CAMKMT: variants seen among roughly 807,000 people sequenced by gnomAD.
CAMKMT encodes CaM KMT.
In CAMKMT, 53 loss-of-function variants were observed where a neutral mutation model predicts 48.0. The ratio of observed to expected loss-of-function variants is 1.10; its 90% CI spans 0.89 to 1.39. The LOEUF is 1.39. Ranked by LOEUF, CAMKMT falls within the 40% of genes most tolerant of loss-of-function variation. CAMKMT has a pLI of 0.00. For missense variants in CAMKMT, 428 were observed against 402.7 expected, an observed-to-expected ratio of 1.06 and a Z score of -0.54; for synonymous variants, 165 against 152.3, an observed-to-expected ratio of 1.08 and a Z score of -0.61.
At chr2:44,637,293 A>G (rs1180790324) in intron 3 of CAMKMT, among the ~76,000 whole-genome samples, 1 of 152,250 alleles carries the variant, frequency 6.6e-6, no homozygotes, top group Non-Finnish European at 1.5e-5. Flanking sequence ...CAGCTCTTGA[A>G]TAATAGCTAA....
In CAMKMT at chr2:44,683,616, C is replaced by G. The variant is rs565329959; in HGVS notation, c.377-20667C>G. ...CGGGCGGATCGCAAGGTCAGGAGAT[C>G]AAGACCATCCTGGCTAACACAGTGA... is the stretch of plus-strand genomic sequence containing the variant. On this transcript the variant is annotated intron_variant, in intron 3 of 10. Coordinates refer to ENST00000378494, the MANE Select transcript of CAMKMT (RefSeq NM_024766.5). Among the ~76,000 whole-genome samples the G allele has an allele frequency of 5.9e-5, 9 of 152,014 alleles. No individual in the cohort carries two copies. The East Asian group carries it at 1.7e-3, about 29-fold the overall frequency.
intron 3 of CAMKMT, among the ~76,000 whole-genome samples, chr2:44,396,606 TTG>T (rs1681864131): frequency 6.6e-6 from 1 of 152,050 alleles, no homozygotes; most frequent in South Asian, 2.1e-4. Context: ...AATCAGTAAA[TTG>T]TAGGGAACTG....
At chr2:44,481,970 AT>A in intron 3 of CAMKMT, among the ~76,000 whole-genome samples, 1 of 152,224 alleles carries the variant, frequency 6.6e-6, no homozygotes, top group East Asian at 1.9e-4. Context: ...ATGAATATGT[AT>A]TTAACTTTCC....
chr2:44,371,350 C>G (rs575240612), intron 1 of CAMKMT, among the ~76,000 whole-genome samples: 1 of 151,976 alleles, frequency 6.6e-6, no homozygotes, highest in Middle Eastern at 3.4e-3. Flanking sequence ...AATTCCTGGC[C>G]TCAAGCAGTC....
At chr2:44,602,604 G>A (rs1671061337) in intron 3 of CAMKMT, among the ~76,000 whole-genome samples, 2 of 152,032 alleles carry the variant, frequency 1.3e-5, no homozygotes, top group South Asian at 4.1e-4. Flanking sequence ...AGCTTAACAG[G>A]AAGTATGACT....
rs112991231 is a variant in CAMKMT at position 44,592,952 on chromosome 2, T to C, written c.377-111331T>C. 1.7e-3 allele frequency among the ~76,000 whole-genome samples: 257 copies of C among 152,342 alleles called. 1 individual carries two copies. The highest frequency in any genetic ancestry group is 5.7e-3 in the African/African-American group (239 of 41,578). Reference sequence around the variant, plus strand: ...GTTGGTTGGTAATGTTATTCAAGCCTTCTATGTCCTTACTGGTTTCTGTAT... The same window carrying C: ...GTTGGTTGGTAATGTTATTCAAGCCCTCTATGTCCTTACTGGTTTCTGTAT... On this transcript the variant is annotated intron_variant, in intron 3 of 10. Transcript: ENST00000378494.
At chr2:44,669,190 T>A (rs1675184727) in intron 3 of CAMKMT, among the ~76,000 whole-genome samples, 1 of 152,254 alleles carries the variant, frequency 6.6e-6, no homozygotes, top group South Asian at 2.1e-4. Flanking sequence ...GTATATGGAA[T>A]CTTATTATAT....
In CAMKMT at chr2:44,653,450, A is replaced by G. The variant is rs1054497157; in HGVS notation, c.377-50833A>G. The stretch of plus-strand genomic sequence containing the variant: ...GGAACATTAGATATAGTTTTATCTC[A>G]TTGATAGAGAAACATGGGCCCTTAG... On this transcript the variant is annotated intron_variant, in intron 3 of 10. Transcript: ENST00000378494. The surrounding 1 kb of genome is among the most constrained non-coding windows in gnomAD (Gnocchi z 5.2). Among the ~76,000 whole-genome samples the G allele has an allele frequency of 7.2e-5, 11 of 152,220 alleles. No individual in the cohort carries two copies. The highest frequency in any genetic ancestry group is 2.7e-4 in the African/African-American group (11 of 41,456).
chr2:44,683,822 C>CAAAAAAAAAAAA (rs10644183), intron 3 of CAMKMT, among the ~76,000 whole-genome samples: 2 of 70,926 alleles, frequency 2.8e-5, no homozygotes, highest in African/African-American at 1.1e-4. Context: ...GACTCTGTCT[C>CAAAAAAAAAAAA]AAAAAAAAAA....
At chr2:44,576,526 G>A (rs562427958) in intron 3 of CAMKMT, among the ~76,000 whole-genome samples, 1 of 152,262 alleles carries the variant, frequency 6.6e-6, no homozygotes, top group Non-Finnish European at 1.5e-5. Flanking sequence ...AGTCTTCCTG[G>A]TGGAGAATAA....
At chr2:44,417,625 A>G (rs1050250362) in intron 3 of CAMKMT, among the ~76,000 whole-genome samples, 4 of 152,292 alleles carry the variant, frequency 2.6e-5, no homozygotes, top group Non-Finnish European at 4.4e-5. Flanking sequence ...TTTGTAAGAT[A>G]TTACCAAACT....
intron 3 of CAMKMT, among the ~76,000 whole-genome samples, chr2:44,639,106 G>A (rs1367801192): frequency 6.6e-6 from 1 of 152,160 alleles, no homozygotes; most frequent in Non-Finnish European, 1.5e-5. Context: ...CAGTTCTTTA[G>A]TATTTAAGAA....
At chr2:44,705,462 A>C in intron 4 of CAMKMT, 1 of 985,360 alleles carries the variant, frequency 1.0e-6, no homozygotes, top group East Asian at 1.1e-4. Context: ...GCTTGACTGG[A>C]GCTCCAATCA....
chr2:44,673,524 G>GGAAGGAAGGAGGGAAGGAA (rs1558786891), intron 3 of CAMKMT, among the ~76,000 whole-genome samples: 2 of 58,280 alleles, frequency 3.4e-5, no homozygotes, highest in African/African-American at 1.3e-4. Flanking sequence ...GAAGGAAGGA[G>GGAAGGAAGGAGGGAAGGAA]GGAAGGAAGA....
chr2:44,706,203 C>T (rs767885400), intron 4 of CAMKMT, 84 bp from the exon 5 acceptor site: 157 of 1,389,526 alleles, frequency 1.1e-4, no homozygotes, highest in Non-Finnish European at 1.4e-4. Flanking sequence ...CTGCAGATGG[C>T]AATTTGTTCT....
At chr2:44,445,672 TTTTTTTTTTTTTTTTTTTTTTA>T (rs1447464721) in intron 3 of CAMKMT, among the ~76,000 whole-genome samples, 327 of 105,450 alleles carry the variant, frequency 3.1e-3, no homozygotes, top group Non-Finnish European at 4.0e-3. Flanking sequence ...TTTTTTTTTT[TTTTTTTTTTTTTTTTTTTTTTA>T]CCAGTTGGGC....
intron 3 of CAMKMT, among the ~76,000 whole-genome samples, chr2:44,424,322 C>T (rs1684122588): frequency 6.6e-6 from 1 of 152,048 alleles, no homozygotes; most frequent in South Asian, 2.1e-4. Flanking sequence ...AGACGCTCAT[C>T]TCAAGGTCCA....
intron 7 of CAMKMT, among the ~76,000 whole-genome samples, chr2:44,732,529 C>T (rs1679133354): frequency 6.6e-6 from 1 of 152,236 alleles, no homozygotes; most frequent in African/African-American, 2.4e-5. Context: ...AGGTAAGGGT[C>T]CTACTTGTAT....
At chr2:44,629,833 T>C (rs1001945110) in intron 3 of CAMKMT, among the ~76,000 whole-genome samples, 1 of 151,996 alleles carries the variant, frequency 6.6e-6, no homozygotes, top group Non-Finnish European at 1.5e-5. Context: ...AGGTAATTTA[T>C]AGATTCAATG....
Sources: allele counts gnomAD v4.1 joint callset (sites outside exome capture counted in the v4.1 genomes callset), GRCh38; gene constraint gnomAD v4.1.1; non-coding constraint Gnocchi (gnomAD v3.1); transcripts MANE v1.5; gene names NCBI Gene and HGNC (gene_info 2026-07-23, HGNC 2026-07-21).